The following STYX variants were observed in gnomAD, a reference collection of about 807,000 sequenced individuals.
STYX encodes serine/threonine/tyrosine-interacting protein.
In STYX, 20 loss-of-function variants were observed where a neutral mutation model predicts 42.7. The ratio of observed to expected loss-of-function variants is 0.47; its 90% confidence interval spans 0.33 to 0.68. The LOEUF (loss-of-function observed/expected upper bound fraction) is 0.68, where lower values mean the gene tolerates loss of function less well. Among genes scored for constraint, STYX ranks in the 30% least tolerant of loss-of-function variants. STYX has a pLI of 0.02. For synonymous variants in STYX, 78 were observed against 81.9 expected, an observed-to-expected ratio of 0.95 and a Z score of 0.26; for missense variants, 226 against 268.5, an observed-to-expected ratio of 0.84 and a Z score of 1.11.
chr14:52,742,195 A>T (rs1393134536), intron 1 of STYX, among the ~76,000 whole-genome samples: 1 of 152,190 alleles, frequency 6.6e-6, no homozygotes, highest in East Asian at 1.9e-4. Flanking sequence ...ACCTACCCAG[A>T]GCCAAAGCTA....
At chr14:52,769,020 A>G in intron 10 of STYX, 87 bp downstream of exon 10, 1 of 955,150 alleles carries the variant, frequency 1.0e-6, no homozygotes, top group South Asian at 1.9e-5. Context: ...GAACAATTTA[A>G]ATTGTTTAGA....
chr14:52,764,960 C>T (rs952123456), intron 9 of STYX, among the ~76,000 whole-genome samples: 4 of 151,864 alleles, frequency 2.6e-5, no homozygotes, highest in South Asian at 4.2e-4. Flanking sequence ...TGAGCCACGG[C>T]GCCCAGCCCT....
intron 9 of STYX, among the ~76,000 whole-genome samples, chr14:52,766,729 T>G (rs1400397312): frequency 6.6e-6 from 1 of 152,200 alleles, no homozygotes; most frequent in Non-Finnish European, 1.5e-5. Flanking sequence ...GTATTTACCC[T>G]TTTGGTTGTT....
chr14:52,736,690 A>G (rs996536543), intron 1 of STYX, among the ~76,000 whole-genome samples: 5 of 152,068 alleles, frequency 3.3e-5, no homozygotes, highest in African/African-American at 1.2e-4. Flanking sequence ...CCCTTACTCT[A>G]GAGTAAGGAA....
chr14:52,746,257 C>T (rs531051279), intron 2 of STYX, among the ~76,000 whole-genome samples, 169 bp from the exon 3 acceptor site: 6 of 150,892 alleles, frequency 4.0e-5, no homozygotes, highest in Admixed American at 2.6e-4. Context: ...AGTGAGACTT[C>T]GTCTCTATTT....
At chr14:52,753,892 A>ATTTTTTTTTT (rs56734068) in intron 4 of STYX, among the ~76,000 whole-genome samples, 3 of 77,234 alleles carry the variant, frequency 3.9e-5, no homozygotes, top group Admixed American at 1.6e-4. Flanking sequence ...CAAAACACTG[A>ATTTTTTTTTT]TTTTTTTTTT....
At position 52,757,797 on chromosome 14, in the gene STYX, A is replaced by G. The variant is rs1267573481; in HGVS notation, c.380+15A>G. The G allele has an allele frequency of 6.2e-7, 1 of 1,613,328 alleles. No individual in the cohort carries two copies. Among genetic ancestry groups the G allele is most frequent in the Admixed American group, 1.7e-5 (1 of 59,996 alleles). On this transcript the variant is annotated intron_variant, in intron 7 of 10. Transcript: ENST00000354586. Reference sequence around the variant, plus strand: ...ATCTCCAGAAGGTATGAAGTTAGAAATAATCTTTCTTTCTATAACATTTAA... The same window carrying G: ...ATCTCCAGAAGGTATGAAGTTAGAAGTAATCTTTCTTTCTATAACATTTAA...
At chr14:52,764,458 A>G (rs1445426955) in intron 9 of STYX, among the ~76,000 whole-genome samples, 4 of 152,134 alleles carry the variant, frequency 2.6e-5, no homozygotes, top group Middle Eastern at 3.4e-3. Context: ...GAGTTTTGCT[A>G]TTAGATTTGG....
intron 9 of STYX, among the ~76,000 whole-genome samples, chr14:52,760,842 G>C (rs964141138): frequency 6.6e-6 from 1 of 151,346 alleles, no homozygotes; most frequent in Non-Finnish European, 1.5e-5. Context: ...TGGATACATA[G>C]TAGGTTAGGT....
intron 9 of STYX, among the ~76,000 whole-genome samples, chr14:52,764,884 GTC>G (rs1460264824): frequency 6.6e-6 from 1 of 151,846 alleles, no homozygotes; most frequent in African/African-American, 2.4e-5. Flanking sequence ...GGCCAGGATG[GTC>G]TCGAATTCCT....
intron 10 of STYX, among the ~76,000 whole-genome samples, 154 bp downstream of exon 10, chr14:52,769,087 G>A (rs1882415685): frequency 6.6e-6 from 1 of 152,092 alleles, no homozygotes; most frequent in African/African-American, 2.4e-5. Context: ...ATGAATAAAT[G>A]TGTACTATAA....
At chr14:52,770,228 A>G (rs1440063565) in intron 10 of STYX, among the ~76,000 whole-genome samples, 1 of 152,128 alleles carries the variant, frequency 6.6e-6, no homozygotes, top group Non-Finnish European at 1.5e-5. Context: ...TTGTATTGAT[A>G]CTATATTTTT....
At chr14:52,744,771 A>G in intron 1 of STYX, 81 bp from the exon 2 acceptor site, 4 of 1,296,534 alleles carry the variant, frequency 3.1e-6, no homozygotes, top group Non-Finnish European at 4.4e-6. Flanking sequence ...AAATCTACAT[A>G]CTTGTGTGTC....
At chr14:52,736,916 C>G (rs1225668974) in intron 1 of STYX, among the ~76,000 whole-genome samples, 1 of 152,158 alleles carries the variant, frequency 6.6e-6, no homozygotes, top group African/African-American at 2.4e-5. Flanking sequence ...AAGCAAAGCT[C>G]AAGCTTGGTG....
intron 9 of STYX, among the ~76,000 whole-genome samples, chr14:52,766,674 C>T (rs1303460803): frequency 6.6e-6 from 1 of 152,172 alleles, no homozygotes; most frequent in Admixed American, 6.6e-5. Flanking sequence ...TTACCACTTG[C>T]AAATTCAAGC....
Position 52,768,845 on chromosome 14 carries a change from T to C in STYX, c.510T>C (p.Tyr170=), listed in dbSNP as rs1202254619. The part of the protein sequence containing the change: ...NAGFVHQLQE[Y]EAIYLAKLTI... ...TTAACTTATTTTTTTTTTAGGAATA[T>C]GAAGCCATCTACCTAGCAAAATTAA... The change falls in exon 10 of 11, where the codon TAT becomes TAC. Residue 170 remains tyrosine, a synonymous_variant. Coordinates refer to ENST00000354586, the MANE Select transcript of STYX (RefSeq NM_145251.4). The C allele has an allele frequency of 6.4e-7, 1 of 1,571,584 alleles. No homozygotes were observed. Among genetic ancestry groups the C allele is most frequent in the East Asian group, 2.3e-5 (1 of 44,054 alleles).
At position 52,759,728 on chromosome 14, in the gene STYX, A is replaced by G; in HGVS notation, c.478A>G (p.Asn160Asp). ...VQERRFCINP[N>D]AGFVHQLQEY... Reference sequence around the variant, plus strand: ...AGAAAGAAGATTTTGTATTAATCCTAATGCTGGATTTGTCCATCAACTTCA... The same window carrying G: ...AGAAAGAAGATTTTGTATTAATCCTGATGCTGGATTTGTCCATCAACTTCA... Residue 160 changes from asparagine to aspartate, a missense_variant, in exon 9 of 11, where the codon AAT (asparagine) becomes GAT (aspartate). By Grantham distance (23) the Asn-to-Asp change is conservative. Coordinates refer to ENST00000354586, the MANE Select transcript of STYX (RefSeq NM_145251.4). 6.2e-7 allele frequency: 1 copy of G among 1,611,556 alleles called. No individual in the cohort carries two copies. Among genetic ancestry groups the G allele is most frequent in the East Asian group, 2.2e-5 (1 of 44,778 alleles).
At chr14:52,752,872 TG>T (rs199784720) in intron 4 of STYX, among the ~76,000 whole-genome samples, 1,589 of 133,554 alleles carry the variant, frequency 0.012, 33 homozygotes, top group African/African-American at 0.042. Flanking sequence ...TGTTTTTTTT[TG>T]TTGTTGTTGT....
At chr14:52,752,336 A>G (rs1052828423) in intron 4 of STYX, among the ~76,000 whole-genome samples, 4 of 151,834 alleles carry the variant, frequency 2.6e-5, no homozygotes, top group Middle Eastern at 3.2e-3. Flanking sequence ...GTGGTGGCAC[A>G]TGCCTGTAGT....
Sources: allele counts gnomAD v4.1 joint callset (sites outside exome capture counted in the v4.1 genomes callset), GRCh38; gene constraint gnomAD v4.1.1; transcripts MANE v1.5; gene names NCBI Gene and HGNC (gene_info 2026-07-23, HGNC 2026-07-21).